Variants in ZSWIM5 observed in about 807,000 individuals in gnomAD.
ZSWIM5 encodes the protein zinc finger SWIM domain-containing protein 5.
A neutral mutation model predicts 119.6 loss-of-function variants in ZSWIM5; 55 were observed. That is an observed-to-expected ratio of 0.46 (90% CI 0.37 to 0.58). The LOEUF is 0.58. Among genes scored for constraint, ZSWIM5 ranks in the 20% least tolerant of loss-of-function variants. The pLI, the probability that ZSWIM5 is intolerant of heterozygous loss-of-function variation, is 0.00. For synonymous variants in ZSWIM5, 537 were observed against 606.9 expected (o/e 0.88, Z 1.69); for missense variants, 1,193 against 1,512.8 (o/e 0.79, Z 3.51).
intron 1 of ZSWIM5, among the ~76,000 whole-genome samples, chr1:45,111,454 G>A (rs937546401): frequency 2.6e-5 from 4 of 151,912 alleles, no homozygotes; most frequent in East Asian, 1.9e-4. Context: ...GTTTCCTATC[G>A]CTGCTGTAAC....
At chr1:45,032,745 C>G (rs796547653) in intron 11 of ZSWIM5, among the ~76,000 whole-genome samples, 5 of 151,824 alleles carry the variant, frequency 3.3e-5, no homozygotes, top group African/African-American at 1.2e-4. Context: ...CCTTGGCCTC[C>G]TAAAGTGCTA....
At chr1:45,098,656 C>T (rs1645419052) in intron 1 of ZSWIM5, among the ~76,000 whole-genome samples, 1 of 152,198 alleles carries the variant, frequency 6.6e-6, no homozygotes, top group Non-Finnish European at 1.5e-5. Context: ...AAGTAAAGCA[C>T]TCCTCAGCAA....
intron 1 of ZSWIM5, among the ~76,000 whole-genome samples, chr1:45,134,614 A>T (rs1264327568): frequency 6.6e-6 from 1 of 152,232 alleles, no homozygotes; most frequent in Non-Finnish European, 1.5e-5. Flanking sequence ...GCAGAGGGTA[A>T]TCCCAGGAAA....
At chr1:45,048,899 T>C (rs1645072652) in intron 5 of ZSWIM5, among the ~76,000 whole-genome samples, 2 of 152,174 alleles carry the variant, frequency 1.3e-5, no homozygotes, top group South Asian at 4.1e-4. Context: ...GGCAGGAGGA[T>C]TGCTTCAGCT....
At chr1:45,167,206 A>G (rs981757022) in intron 1 of ZSWIM5, among the ~76,000 whole-genome samples, 7 of 151,968 alleles carry the variant, frequency 4.6e-5, no homozygotes, top group Non-Finnish European at 1.0e-4. Flanking sequence ...AAACCTGACA[A>G]AAACAAGCAA....
chr1:45,048,080 C>CT (rs796685981), intron 5 of ZSWIM5, among the ~76,000 whole-genome samples: 2 of 4,262 alleles, frequency 4.7e-4, no homozygotes, highest in African/African-American at 2.2e-3. Flanking sequence ...CTTTTCTTTT[C>CT]TCTTTTTTTT....
In ZSWIM5 at chr1:45,043,352, A is replaced by T; in HGVS notation, c.1476T>A (p.Ile492=). The part of the protein sequence containing the change: ...RPRRTVFTRA[I]EGRELHWQDS... ...CCTGCCAATGTAATTCACGCCCCTC[A>T]ATGGCTCTAGTGAATACTGTTCGTC... Residue 492 remains isoleucine (I), a synonymous_variant, in exon 6 of 14, where the codon ATT becomes ATA. Coordinates refer to ENST00000359600, the MANE Select transcript of ZSWIM5 (RefSeq NM_020883.2). The T allele has an allele frequency of 6.2e-7, 1 of 1,614,232 alleles. No homozygotes were observed. Among genetic ancestry groups the T allele is most frequent in the Non-Finnish European group, 8.5e-7 (1 of 1,180,030 alleles).
chr1:45,156,302 G>C (rs1429070524), intron 1 of ZSWIM5, among the ~76,000 whole-genome samples: 1 of 144,802 alleles, frequency 6.9e-6, no homozygotes, highest in Admixed American at 6.7e-5. Context: ...AGAAAGGAGG[G>C]AGGGGGCAAA....
intron 1 of ZSWIM5, among the ~76,000 whole-genome samples, chr1:45,099,856 G>A (rs1306710042): frequency 6.6e-6 from 1 of 151,790 alleles, no homozygotes. Context: ...CAGCCTTCAT[G>A]CTAAAAACTC....
At chr1:45,196,456 T>C (rs961954541) in intron 1 of ZSWIM5, among the ~76,000 whole-genome samples, 1 of 133,412 alleles carries the variant, frequency 7.5e-6, no homozygotes, top group Non-Finnish European at 1.6e-5. Context: ...AGTGGCACGA[T>C]ATCGGCTCAC....
chr1:45,194,076 G>A (rs1291781169), intron 1 of ZSWIM5, among the ~76,000 whole-genome samples: 1 of 152,018 alleles, frequency 6.6e-6, no homozygotes, highest in Non-Finnish European at 1.5e-5. Context: ...ATGTGGGGAA[G>A]GATTTTATAT....
intron 1 of ZSWIM5, among the ~76,000 whole-genome samples, chr1:45,149,209 G>C (rs1223281261): frequency 6.6e-6 from 1 of 152,024 alleles, no homozygotes; most frequent in Non-Finnish European, 1.5e-5. Flanking sequence ...GGCTGCAGTG[G>C]GCTAGGATCG....
chr1:45,193,512 T>C (rs115749381), intron 1 of ZSWIM5, among the ~76,000 whole-genome samples: 1 of 152,110 alleles, frequency 6.6e-6, no homozygotes, highest in African/African-American at 2.4e-5. Context: ...GAGAAATGTA[T>C]AGTAGACTAC....
chr1:45,205,824 T>C lies in ZSWIM5; in HGVS notation c.527A>G (p.Glu176Gly), dbSNP rs1406244410. ...GATGCCCCGGCGGAACGGGAGCCCC[T>C]CGCCACCGCAGCCGGCCGCGCCGGC... ...AGAGAAGCGG[E>G]GLPFRRGIRL... Residue 176 changes from glutamate (E) to glycine (G), a missense_variant, in exon 1 of 14, where the codon GAG becomes GGG. Glu to Gly is a moderately conservative substitution (Grantham distance 98). Coordinates refer to ENST00000359600, the MANE Select transcript of ZSWIM5 (RefSeq NM_020883.2). 3.3e-6 allele frequency: 5 copies of C among 1,514,968 alleles called. No homozygotes were observed. Among genetic ancestry groups the C allele is most frequent in the Non-Finnish European group, 4.4e-6 (5 of 1,134,054 alleles). 93.8% of individuals were successfully genotyped at this position (1,514,968 alleles called of 1,614,324 possible). A position where few individuals can be genotyped will look rare whatever the true frequency, so the allele number is the denominator to read the frequency against.
intron 1 of ZSWIM5, among the ~76,000 whole-genome samples, chr1:45,138,125 T>C (rs1485580383): frequency 1.3e-5 from 2 of 152,112 alleles, no homozygotes; most frequent in Non-Finnish European, 2.9e-5. Flanking sequence ...AACATGGGAT[T>C]GAACAACATG....
At chr1:45,137,972 G>T (rs1645699780) in intron 1 of ZSWIM5, among the ~76,000 whole-genome samples, 1 of 152,140 alleles carries the variant, frequency 6.6e-6, no homozygotes, top group African/African-American at 2.4e-5. Context: ...GATCACATTG[G>T]CCTGAATTAG....
intron 1 of ZSWIM5, among the ~76,000 whole-genome samples, chr1:45,091,624 T>G (rs1645364751): frequency 6.6e-6 from 1 of 152,114 alleles, no homozygotes; most frequent in Non-Finnish European, 1.5e-5. Flanking sequence ...ATGACACCAC[T>G]GTGCTCCAGA....
At chr1:45,154,915 G>C (rs1645818249) in intron 1 of ZSWIM5, among the ~76,000 whole-genome samples, 2 of 151,972 alleles carry the variant, frequency 1.3e-5, no homozygotes, top group African/African-American at 2.4e-5. Context: ...ATGGATTAAG[G>C]ACTTAAATCT....
chr1:45,111,664 C>T (rs1645519404), intron 1 of ZSWIM5, among the ~76,000 whole-genome samples: 1 of 152,214 alleles, frequency 6.6e-6, no homozygotes, highest in Admixed American at 6.5e-5. Context: ...GGCTCATAGC[C>T]CCTTCCTCCA....
Sources: allele counts gnomAD v4.1 joint callset (sites outside exome capture counted in the v4.1 genomes callset), GRCh38; gene constraint gnomAD v4.1.1; transcripts MANE v1.5; gene names NCBI Gene and HGNC (gene_info 2026-07-23, HGNC 2026-07-21).